FANCA: variants seen among roughly 807,000 people sequenced by gnomAD.
FANCA encodes Fanconi anemia group A protein.
A neutral mutation model predicts 194.3 loss-of-function variants in FANCA; 236 were observed. That is an observed-to-expected ratio of 1.21 (90% CI 1.09 to 1.35). FANCA has a LOEUF of 1.35. Among genes scored for constraint, FANCA ranks in the 40% most tolerant of loss-of-function variants. The pLI is 0.00. For synonymous variants in FANCA, 1,014 were observed against 715.8 expected (o/e 1.42, Z -6.65); for missense variants, 2,628 against 1,813.9 (o/e 1.45, Z -8.15).
chr16:89,777,079 G>C lies in FANCA; in HGVS notation c.1827-1264C>G, dbSNP rs560104633. On this transcript the variant is annotated intron_variant, in intron 20 of 42. Transcript: ENST00000389301. The stretch of plus-strand genomic sequence containing the variant: ...TTACAAAATGGCTGGGTGTGGTGGA[G>C]CGCGCCTCTAGACCCAGCTACTTGG... Among the ~76,000 whole-genome samples the C allele has an allele frequency of 4.6e-5, 7 of 152,078 alleles. No individual in the cohort carries two copies. The South Asian group carries it at 1.0e-3, about 23-fold the overall frequency.
rs139430068 is a variant in FANCA at position 89,807,225 on chromosome 16, G to A, written c.596+1069C>T. Among the ~76,000 whole-genome samples, 250 of 145,466 alleles carry A rather than the reference G, an allele frequency of 1.7e-3. 1 individual carries two copies. The highest frequency in any genetic ancestry group is 5.7e-3 in the African/African-American group (217 of 37,780). On this transcript the variant is annotated intron_variant, in intron 6 of 42. Coordinates refer to ENST00000389301, the MANE Select transcript of FANCA (RefSeq NM_000135.4). ...TTGAGATGAAATTCTGCTCTAGGCC[G>A]AGGCGGGAGGATCACAAGATCAGGA...
chr16:89,774,584 G>C (rs899626955), intron 21 of FANCA, among the ~76,000 whole-genome samples: 8 of 151,704 alleles, frequency 5.3e-5, no homozygotes, highest in Non-Finnish European at 1.0e-4. Context: ...CAAAAAATTA[G>C]CCGGGTGTGG....
At chr16:89,777,694 C>T (rs1043015775) in intron 20 of FANCA, among the ~76,000 whole-genome samples, 3 of 152,130 alleles carry the variant, frequency 2.0e-5, no homozygotes, top group Admixed American at 6.6e-5. Flanking sequence ...TACCAACCAA[C>T]TTTCTTACTA....
At chr16:89,768,061 G>A (rs1962466068) in intron 26 of FANCA, among the ~76,000 whole-genome samples, 4 of 152,194 alleles carry the variant, frequency 2.6e-5, no homozygotes, top group African/African-American at 9.7e-5. Flanking sequence ...CACAATCACA[G>A]CTCAGGGGAT....
At chr16:89,783,200 G>C (rs1191232704) in intron 15 of FANCA, 98 bp from the exon 16 acceptor site, 3 of 855,538 alleles carry the variant, frequency 3.5e-6, no homozygotes, top group South Asian at 2.8e-5. Flanking sequence ...GTGCTGAGTA[G>C]AGAAACACAG....
intron 22 of FANCA, among the ~76,000 whole-genome samples, chr16:89,772,513 T>A (rs532159102): frequency 2.9e-4 from 39 of 134,130 alleles, no homozygotes; most frequent in African/African-American, 6.5e-4. Context: ...CTCAAAAAAA[T>A]ATATATATAT....
rs2062096130 is a variant in FANCA, at chr16:89,740,271, C to A, written c.3829-172G>T. On this transcript the variant is annotated intron_variant, in intron 38 of 42. Coordinates refer to ENST00000389301, the MANE Select transcript of FANCA (RefSeq NM_000135.4). ...ATACTGGGCCTCTGGACAGAAGAGGCTCAGGTAGGAGGCCAGGGACTTCGA... is the reference window on the plus strand; with the variant it reads ...ATACTGGGCCTCTGGACAGAAGAGGATCAGGTAGGAGGCCAGGGACTTCGA... 3 of 659,720 alleles carry A rather than the reference C, an allele frequency of 4.5e-6. No individual in the cohort carries two copies. In the South Asian group the frequency reaches 4.9e-5, roughly 11 times the overall value. The allele number at this position is 659,720 out of a possible 1,614,324, so 40.9% of individuals were successfully genotyped here.
chr16:89,795,358 G>C (rs964522859), intron 11 of FANCA, among the ~76,000 whole-genome samples: 1 of 151,722 alleles, frequency 6.6e-6, no homozygotes, highest in Admixed American at 6.6e-5. Context: ...GCTGGGTGCG[G>C]TGGCTCACAC....
chr16:89,769,325 C>T (rs1457144113), intron 26 of FANCA, among the ~76,000 whole-genome samples: 1 of 152,218 alleles, frequency 6.6e-6, no homozygotes, highest in Non-Finnish European at 1.5e-5. Context: ...CTGGCTTCTG[C>T]CTGTGCGTGG....
chr16:89,774,060 C>T (rs1035621052), intron 21 of FANCA, among the ~76,000 whole-genome samples: 24 of 152,030 alleles, frequency 1.6e-4, no homozygotes, highest in Admixed American at 1.6e-3. Flanking sequence ...TGAGCCACTG[C>T]GCCCAGCCAC....
intron 15 of FANCA, 125 bp downstream of exon 15, chr16:89,784,729 G>C (rs1263360988): frequency 1.1e-5 from 9 of 790,578 alleles, no homozygotes; most frequent in Non-Finnish European, 2.1e-5. Context: ...AAGGGGAAGG[G>C]GAAGGGCCTG....
rs1060501887 is a variant in FANCA, at chr16:89,738,881, C to T, written c.4260+1G>A. On this transcript the variant is annotated splice_donor_variant, in intron 42 of 42. Coordinates refer to ENST00000389301, the MANE Select transcript of FANCA (RefSeq NM_000135.4). LOFTEE classifies it high-confidence loss of function. Reference sequence around the variant, plus strand: ...GCCCAAGGTGGGCATCTTGACGTTACCTCTGCCACGTGTGAGAAGCTCTTT... The same window carrying T: ...GCCCAAGGTGGGCATCTTGACGTTATCTCTGCCACGTGTGAGAAGCTCTTT... The T allele has an allele frequency of 1.2e-6, 2 of 1,614,276 alleles. No individual in the cohort carries two copies. The highest frequency in any genetic ancestry group is 1.3e-5 in the African/African-American group (1 of 75,082).
chr16:89,788,061 T>C (rs1014205963), intron 14 of FANCA, among the ~76,000 whole-genome samples: 7 of 151,900 alleles, frequency 4.6e-5, no homozygotes, highest in African/African-American at 1.7e-4. Flanking sequence ...TTGGTAGAGA[T>C]AGGGTTTTGC....
intron 23 of FANCA, 130 bp from the exon 24 acceptor site, chr16:89,770,764 G>C (rs1202928603): frequency 2.5e-6 from 2 of 803,638 alleles, no homozygotes; most frequent in Non-Finnish European, 4.2e-6. Flanking sequence ...AGGCTTGTTT[G>C]GAGGGCATGT....
intron 23 of FANCA, 111 bp from the exon 24 acceptor site, chr16:89,770,745 C>T: frequency 1.1e-6 from 1 of 945,100 alleles, no homozygotes; most frequent in South Asian, 1.4e-5. Context: ...GCAAAAAGAC[C>T]TCCAAAACAG....
At chr16:89,770,338 C>A (rs139986799) in intron 24 of FANCA, 79 bp from the exon 25 acceptor site, 17 of 1,337,500 alleles carry the variant, frequency 1.3e-5, no homozygotes, top group Admixed American at 1.2e-4. Flanking sequence ...CAACCACCAG[C>A]GGCCGAAGAA....
chr16:89,802,154 G>C (rs745969593), intron 8 of FANCA, among the ~76,000 whole-genome samples: 6 of 152,164 alleles, frequency 3.9e-5, no homozygotes, highest in Non-Finnish European at 5.9e-5. Context: ...ACCCAGGCTA[G>C]AGTGCAAGGC....
Position 89,802,255 on chromosome 16 carries a change from C to T in FANCA, c.792+1004G>A, listed in dbSNP as rs62053703. 3.3e-5 allele frequency among the ~76,000 whole-genome samples: 5 copies of T among 151,450 alleles called. No individual in the cohort carries two copies. In the South Asian group the frequency reaches 1.1e-3, roughly 32 times the overall value. On this transcript the variant is annotated intron_variant, in intron 8 of 42. Transcript: ENST00000389301. ...AGCTGGGACTACAGGCATGTGCCAC[C>T]ACGCCCGGCTATTTTTTTTTTTTTT...
rs2143109726 is a variant in FANCA at position 89,746,898 on chromosome 16, A to G, written c.3349-8T>C. 2 of 1,554,132 alleles carry G rather than the reference A, an allele frequency of 1.3e-6. No individual in the cohort carries two copies. Among genetic ancestry groups the G allele is most frequent in the Non-Finnish European group, 1.7e-6 (2 of 1,148,264 alleles). The stretch of plus-strand genomic sequence containing the variant: ...GTGGGAGCAGAAGTTTCTCTGCAAA[A>G]GAGTTCAAGGCAGGTAAGAAAAGCC... On this transcript the variant is annotated splice_region_variant and splice_polypyrimidine_tract_variant and intron_variant, in intron 33 of 42. Transcript: ENST00000389301.
Sources: allele counts gnomAD v4.1 joint callset (sites outside exome capture counted in the v4.1 genomes callset), GRCh38; gene constraint gnomAD v4.1.1; transcripts MANE v1.5; gene names NCBI Gene and HGNC (gene_info 2026-07-23, HGNC 2026-07-21).